Variants in LIPC observed in about 807,000 individuals in gnomAD.
LIPC encodes the protein lipase C, hepatic type, also known as hepatic triacylglycerol lipase.
LIPC carries 44 observed loss-of-function variants against 50.7 expected under a neutral mutation model. The observed-to-expected ratio is 0.87, with a 90% CI of 0.68 to 1.11. The LOEUF is 1.11. LIPC is among the 50% of genes most tolerant of loss of function. LIPC has a pLI of 0.00. For synonymous variants in LIPC, 271 were observed against 256.4 expected, an observed-to-expected ratio of 1.06 and a Z score of -0.54; for missense variants, 697 against 648.2, an observed-to-expected ratio of 1.08 and a Z score of -0.82.
chr15:58,497,530 A>G (rs1016634841), intron 1 of LIPC, among the ~76,000 whole-genome samples: 18 of 151,200 alleles, frequency 1.2e-4, no homozygotes, highest in African/African-American at 4.1e-4. Context: ...ATGCCTTGAA[A>G]CCGTCAGATG....
intron 4 of LIPC, 22 bp from the exon 5 acceptor site, chr15:58,545,720 C>T: frequency 6.2e-7 from 1 of 1,607,462 alleles, no homozygotes; most frequent in East Asian, 2.2e-5. Context: ...CTGCGTAACC[C>T]TTACCCCTGC....
chr15:58,562,796 A>C, intron 7 of LIPC, among the ~76,000 whole-genome samples: 1 of 137,398 alleles, frequency 7.3e-6, no homozygotes, highest in Admixed American at 7.3e-5. Flanking sequence ...ATGCCAAGCC[A>C]CACAAGGGAC....
intron 7 of LIPC, among the ~76,000 whole-genome samples, chr15:58,562,813 C>CCA (rs1555407536): frequency 6.6e-6 from 1 of 150,974 alleles, no homozygotes; most frequent in African/African-American, 2.5e-5. Flanking sequence ...GGACCCCCCC[C>CCA]CAACCCCACC....
In LIPC at chr15:58,568,739, C is replaced by T. The variant is rs1484306526; in HGVS notation, c.1412C>T (p.Thr471Ile). Residue 471 changes from threonine (T) to isoleucine (I), a missense_variant, in exon 9 of 9, where the codon ACA (threonine) becomes ATA (isoleucine). Physicochemically the swap from Thr to Ile is moderately conservative, Grantham distance 89. Coordinates refer to ENST00000299022, the MANE Select transcript of LIPC (RefSeq NM_000236.3). Reference sequence around the variant, plus strand: ...AGAATGACATTTTGTTCAGAAAACACAGATGACCTACTACTTCGCCCAACC... The same window carrying T: ...AGAATGACATTTTGTTCAGAAAACATAGATGACCTACTACTTCGCCCAACC... ...QQRMTFCSENTDDLLLRPTQE... is the reference protein window; with the variant it reads ...QQRMTFCSENIDDLLLRPTQE... 5 of 1,608,122 alleles carry T rather than the reference C, an allele frequency of 3.1e-6. No homozygotes were observed. The highest frequency in any genetic ancestry group is 1.1e-5 in the South Asian group (1 of 90,850).
intron 1 of LIPC, among the ~76,000 whole-genome samples, chr15:58,537,891 C>A (rs1893188081): frequency 6.6e-6 from 1 of 152,166 alleles, no homozygotes; most frequent in Non-Finnish European, 1.5e-5. Context: ...CATAGTGTCA[C>A]CCAGCTAAGA....
At chr15:58,536,864 A>G (rs1158730126) in intron 1 of LIPC, among the ~76,000 whole-genome samples, 1 of 152,234 alleles carries the variant, frequency 6.6e-6, no homozygotes, top group African/African-American at 2.4e-5. Flanking sequence ...CCCTTTGGGT[A>G]GGAAAATTGG....
At chr15:58,561,856 T>A (rs1894174685) in intron 7 of LIPC, among the ~76,000 whole-genome samples, 2 of 151,946 alleles carry the variant, frequency 1.3e-5, no homozygotes, top group African/African-American at 4.8e-5. Context: ...GGGAGGAGAG[T>A]ATAAAGAGGC....
In LIPC at chr15:58,557,272, G is replaced by C. The variant is rs935329597; in HGVS notation, c.1052-3592G>C. Among the ~76,000 whole-genome samples, 19 of 151,098 alleles carry C rather than the reference G, an allele frequency of 1.3e-4. 1 individual carries two copies. The highest frequency in any genetic ancestry group is 8.8e-5 in the Non-Finnish European group (6 of 67,926). On this transcript the variant is annotated intron_variant, in intron 6 of 8. Coordinates refer to ENST00000299022, the MANE Select transcript of LIPC (RefSeq NM_000236.3). ...TCTTCTCTAAAATGAGATAATAATC[G>C]TATCATTTGTTTGAGGGTCAAGTGA... is the stretch of plus-strand genomic sequence containing the variant.
chr15:58,476,849 T>C (rs189812413), intron 1 of LIPC, among the ~76,000 whole-genome samples: 1 of 152,364 alleles, frequency 6.6e-6, no homozygotes, highest in Non-Finnish European at 1.5e-5. Context: ...CCTCAGTTGC[T>C]GCCCTTAGTA....
intron 2 of LIPC, among the ~76,000 whole-genome samples, chr15:58,539,442 G>T (rs758506962): frequency 1.3e-5 from 2 of 152,128 alleles, no homozygotes; most frequent in Non-Finnish European, 2.9e-5. Context: ...GGAAGAAGGA[G>T]AGAAAGGATA....
In LIPC at chr15:58,541,913, C is replaced by G. The variant is rs1303762358; in HGVS notation, c.402C>G (p.Val134=). ...CCCACGACCACTACACCATCGCCGT[C>G]CGCAACACCCGCCTTGTGGGCAAGG... The part of the protein sequence containing the change: ...TLAHDHYTIA[V]RNTRLVGKEV... Residue 134 remains valine, a synonymous_variant, in exon 3 of 9, where the codon GTC becomes GTG. Coordinates refer to ENST00000299022, the MANE Select transcript of LIPC (RefSeq NM_000236.3). 6.2e-7 allele frequency: 1 copy of G among 1,611,854 alleles called. No homozygotes were observed.
intron 1 of LIPC, among the ~76,000 whole-genome samples, chr15:58,507,339 G>A (rs781276451): frequency 6.8e-6 from 1 of 146,908 alleles, no homozygotes; most frequent in African/African-American, 2.7e-5. Context: ...AGAGGAGGAG[G>A]GAAGGAAGGA....
At chr15:58,535,935 G>A (rs958460221) in intron 1 of LIPC, among the ~76,000 whole-genome samples, 1 of 152,176 alleles carries the variant, frequency 6.6e-6, no homozygotes, top group Non-Finnish European at 1.5e-5. Flanking sequence ...AAGATTGAGT[G>A]CCAGCCTTTG....
chr15:58,500,295 CTGTGAGATGATTT>C (rs1300420525), intron 1 of LIPC, among the ~76,000 whole-genome samples: 21 of 144,694 alleles, frequency 1.5e-4, no homozygotes, highest in Admixed American at 3.5e-4. Flanking sequence ...GCTGCATAGG[CTGTGAGATGATTT>C]TGTGAGATGT....
intron 2 of LIPC, among the ~76,000 whole-genome samples, chr15:58,539,836 C>T (rs1893261661): frequency 6.6e-6 from 1 of 152,124 alleles, no homozygotes; most frequent in African/African-American, 2.4e-5. Flanking sequence ...GTTCTTTCTC[C>T]TCCTCTTTTC....
intron 1 of LIPC, among the ~76,000 whole-genome samples, chr15:58,503,517 G>A (rs569808259): frequency 9.8e-5 from 15 of 152,304 alleles, no homozygotes; most frequent in African/African-American, 3.1e-4. Context: ...GCAGCACCTC[G>A]CATCTGATAC....
At chr15:58,520,946 C>T (rs1191653541) in intron 1 of LIPC, among the ~76,000 whole-genome samples, 1 of 152,116 alleles carries the variant, frequency 6.6e-6, no homozygotes, top group African/African-American at 2.4e-5. Context: ...GGGAGAAGGA[C>T]ACTGGTTTGG....
intron 1 of LIPC, among the ~76,000 whole-genome samples, chr15:58,461,086 T>C (rs1894331529): frequency 6.6e-6 from 1 of 152,160 alleles, no homozygotes; most frequent in Non-Finnish European, 1.5e-5. Context: ...AGTTCTCAAG[T>C]GCAGAGCTTG....
intron 8 of LIPC, among the ~76,000 whole-genome samples, chr15:58,564,952 C>T (rs762842762): frequency 1.3e-5 from 2 of 152,110 alleles, no homozygotes; most frequent in Non-Finnish European, 2.9e-5. Flanking sequence ...TCACTTGTCG[C>T]GAAGGCCATG....
Sources: gnomAD v4.1 joint callset for allele counts (sites outside exome capture counted in the v4.1 genomes callset) on GRCh38, gnomAD v4.1.1 for gene constraint, MANE v1.5 for transcripts, NCBI Gene and HGNC (gene_info 2026-07-23, HGNC 2026-07-21) for gene names.